The following DAGLB variants were observed in gnomAD, a reference collection of about 807,000 sequenced individuals.
DAGLB encodes the protein diacylglycerol lipase beta, also known as diacylglycerol lipase-beta.
Under a neutral mutation model 72.1 loss-of-function variants are expected in DAGLB, and 66 were observed. The ratio of observed to expected loss-of-function variants is 0.92; its 90% CI spans 0.75 to 1.12. The LOEUF is 1.12. Among genes scored for constraint, DAGLB ranks in the 50% most tolerant of loss-of-function variants. DAGLB has a pLI of 0.00. For synonymous variants in DAGLB, 414 were observed against 359.5 expected, an observed-to-expected ratio of 1.15 and a Z score of -1.71; for missense variants, 1,065 against 884.9, an observed-to-expected ratio of 1.20 and a Z score of -2.58.
intron 2 of DAGLB, among the ~76,000 whole-genome samples, chr7:6,439,508 G>C (rs559557392): frequency 1.3e-5 from 2 of 152,278 alleles, no homozygotes; most frequent in African/African-American, 4.8e-5. Context: ...CCCAGAATCA[G>C]TACACTCAAC....
intron 11 of DAGLB, 98 bp downstream of exon 11, chr7:6,416,529 C>A: frequency 6.7e-7 from 1 of 1,498,074 alleles, no homozygotes; most frequent in Non-Finnish European, 8.9e-7. Flanking sequence ...GGCGACAGAG[C>A]AAGACTTCAT....
intron 2 of DAGLB, 50 bp downstream of exon 2, chr7:6,445,903 C>A (rs1290961828): frequency 6.6e-7 from 1 of 1,519,522 alleles, no homozygotes; most frequent in East Asian, 2.3e-5. Context: ...AATTATATCT[C>A]AATAAAGCTA....
intron 8 of DAGLB, among the ~76,000 whole-genome samples, chr7:6,424,077 C>G (rs948744251): frequency 6.6e-6 from 1 of 152,200 alleles, no homozygotes; most frequent in Non-Finnish European, 1.5e-5. Flanking sequence ...GAGGGCTGAG[C>G]ACACAGGCTC....
At position 6,446,043 on chromosome 7, in the gene DAGLB, C is replaced by A; in HGVS notation, c.157G>T (p.Ala53Ser). ...ACGATCAAGTAACTGCTGAGCAAGG[C>A]TCCACCAGCACAGTCCAGCTTTCCT... ...HRGKLDCAGG[A>S]LLSSYLIVLM... Residue 53 changes from alanine (A) to serine (S), a missense_variant, in exon 2 of 15, where the codon GCC becomes TCC. Transcript: ENST00000297056. The A allele has an allele frequency of 1.2e-6, 2 of 1,613,642 alleles. No homozygotes were observed. Among genetic ancestry groups the A allele is most frequent in the Non-Finnish European group, 1.7e-6 (2 of 1,179,886 alleles).
chr7:6,447,925 A>T lies in DAGLB; in HGVS notation c.-83T>A. ...AAACCAGCACCCTCCGGACGCCGCC[A>T]CCAAATTATCGGCGCTCAAGCGCAA... On this transcript the variant is annotated 5_prime_UTR_variant, in exon 1 of 15. Coordinates refer to ENST00000297056, the MANE Select transcript of DAGLB (RefSeq NM_139179.4). 6.8e-7 allele frequency: 1 copy of T among 1,474,314 alleles called. No homozygotes were observed. The highest frequency in any genetic ancestry group is 9.0e-7 in the Non-Finnish European group (1 of 1,115,794). 91.3% of individuals were successfully genotyped at this position (1,474,314 alleles called of 1,614,324 possible).
At chr7:6,444,259 C>T (rs541942909) in intron 2 of DAGLB, among the ~76,000 whole-genome samples, 4 of 151,936 alleles carry the variant, frequency 2.6e-5, no homozygotes, top group South Asian at 4.2e-4. Flanking sequence ...GGCAACAGAG[C>T]AAGACACTGT....
chr7:6,435,163 C>A (rs1784614291), intron 3 of DAGLB, 143 bp from the exon 4 acceptor site: 1 of 1,276,014 alleles, frequency 7.8e-7, no homozygotes, highest in African/African-American at 1.5e-5. Flanking sequence ...TCTCCTGGAA[C>A]CTGCCTGAGG....
In DAGLB at chr7:6,447,952, C is replaced by G; in HGVS notation, c.-110G>C. ...CAAATTATCGGCGCTCAAGCGCAAA[C>G]GCAGCGAGGGCGGGGACCTGCGCAT... is the stretch of plus-strand genomic sequence containing the variant. On this transcript the variant is annotated 5_prime_UTR_variant, in exon 1 of 15. Coordinates refer to ENST00000297056, the MANE Select transcript of DAGLB (RefSeq NM_139179.4). 6.9e-7 allele frequency: 1 copy of G among 1,452,684 alleles called. No homozygotes were observed. The highest frequency in any genetic ancestry group is 9.0e-7 in the Non-Finnish European group (1 of 1,105,422). The allele number at this position is 1,452,684 out of a possible 1,614,324, so 90.0% of individuals were successfully genotyped here. A position where few individuals can be genotyped will look rare whatever the true frequency, so the allele number is the denominator to read the frequency against.
chr7:6,421,926 T>C, intron 8 of DAGLB, 122 bp from the exon 9 acceptor site: 1 of 1,120,236 alleles, frequency 8.9e-7, no homozygotes, highest in Non-Finnish European at 1.3e-6. Flanking sequence ...ATCTCCTAGT[T>C]CGGTCCTGGG....
chr7:6,446,714 A>C (rs1236397874), intron 1 of DAGLB, among the ~76,000 whole-genome samples: 1 of 151,796 alleles, frequency 6.6e-6, no homozygotes, highest in Non-Finnish European at 1.5e-5. Flanking sequence ...AATTGCCAAC[A>C]ATAAAAGATC....
At chr7:6,410,495 G>A (rs1325220661) in intron 13 of DAGLB, 115 bp from the exon 14 acceptor site, 69 of 1,443,902 alleles carry the variant, frequency 4.8e-5, no homozygotes, top group Middle Eastern at 1.9e-4. Context: ...CAGAAACCCC[G>A]CTTGGAAGAC....
intron 2 of DAGLB, among the ~76,000 whole-genome samples, chr7:6,436,910 G>A (rs1784677141): frequency 6.6e-6 from 1 of 151,968 alleles, no homozygotes; most frequent in South Asian, 2.1e-4. Context: ...ACTTTGGGAG[G>A]AGGCCAAGGC....
intron 2 of DAGLB, among the ~76,000 whole-genome samples, chr7:6,441,725 A>G (rs968798436): frequency 4.6e-5 from 7 of 152,178 alleles, no homozygotes; most frequent in African/African-American, 1.4e-4. Flanking sequence ...CCTTCAATAC[A>G]TATTTTTAAT....
chr7:6,422,117 G>A, intron 8 of DAGLB: 1 of 422,270 alleles, frequency 2.4e-6, no homozygotes, highest in Non-Finnish European at 4.6e-6. Flanking sequence ...ACCTGTGCCA[G>A]GGTTCTGAAC....
chr7:6,437,926 G>C (rs946431279), intron 2 of DAGLB, among the ~76,000 whole-genome samples: 4 of 152,170 alleles, frequency 2.6e-5, no homozygotes, highest in Non-Finnish European at 1.5e-5. Flanking sequence ...ACAGGCATGA[G>C]CCACAGCACC....
At chr7:6,418,058 A>G (rs954059425) in intron 9 of DAGLB, among the ~76,000 whole-genome samples, 17 of 152,130 alleles carry the variant, frequency 1.1e-4, no homozygotes, top group African/African-American at 3.1e-4. Flanking sequence ...TTTAGTAGAG[A>G]CAGGGTTTCA....
At chr7:6,430,061 C>T (rs544192261) in intron 6 of DAGLB, among the ~76,000 whole-genome samples, 1 of 150,122 alleles carries the variant, frequency 6.7e-6, no homozygotes, top group South Asian at 2.1e-4. Flanking sequence ...GAAAATTAGC[C>T]GGGCATGGTG....
intron 2 of DAGLB, among the ~76,000 whole-genome samples, chr7:6,442,531 AC>A (rs1784866915): frequency 6.6e-6 from 1 of 152,228 alleles, no homozygotes; most frequent in Admixed American, 6.6e-5. Context: ...TGTGAGATGA[AC>A]AAAAAAGGGC....
rs376312112 is a variant in DAGLB, at chr7:6,416,879, T to C, written c.1261A>G (p.Asn421Asp). 22 of 1,614,080 alleles carry C rather than the reference T, an allele frequency of 1.4e-5. No individual in the cohort carries two copies. Among genetic ancestry groups the C allele is most frequent in the East Asian group, 4.5e-5 (2 of 44,904 alleles). Residue 421 changes from asparagine (N) to aspartate (D), a missense_variant, in exon 10 of 15, where the codon AAC (asparagine) becomes GAC (aspartate). By Grantham distance (23) the Asn-to-Asp change is conservative (BLOSUM62 1). Coordinates refer to ENST00000297056, the MANE Select transcript of DAGLB (RefSeq NM_139179.4). ...AARYVYQRLI[N>D]DGILSQAFSI... The stretch of plus-strand genomic sequence containing the variant: ...AAGGCTTGGCTCAAAATCCCGTCGT[T>C]GATGAGTCGTTGGTAAACGTATCTG...
Sources: allele counts gnomAD v4.1 joint callset (sites outside exome capture counted in the v4.1 genomes callset), GRCh38; gene constraint gnomAD v4.1.1; transcripts MANE v1.5; gene names NCBI Gene and HGNC (gene_info 2026-07-23, HGNC 2026-07-21).